Variants in XKR9 observed in about 807,000 individuals in gnomAD.
XKR9 encodes XK-related protein 9.
XKR9 carries 32 observed loss-of-function variants against 32.0 expected under a neutral mutation model. That is an observed-to-expected ratio of 1.00 (90% CI 0.76 to 1.34). The LOEUF is 1.34. Among genes scored for constraint, XKR9 ranks in the 40% most tolerant of loss-of-function variants. The pLI, the probability that XKR9 is intolerant of heterozygous loss-of-function variation, is 0.00. For synonymous variants in XKR9, 168 were observed against 143.4 expected, an observed-to-expected ratio of 1.17 and a Z score of -1.22; for missense variants, 546 against 429.7, an observed-to-expected ratio of 1.27 and a Z score of -2.39.
At position 70,735,547 on chromosome 8, in the gene XKR9, T is replaced by A. The variant is rs1806837565; in HGVS notation, c.*1123T>A. 1 of 151,514 alleles carries A rather than the reference T, an allele frequency of 6.6e-6. No individual in the cohort carries two copies. Among genetic ancestry groups the A allele is most frequent in the Admixed American group, 6.6e-5 (1 of 15,218 alleles). 9.4% of individuals were successfully genotyped at this position (151,514 alleles called of 1,614,324 possible). A position where few individuals can be genotyped will look rare whatever the true frequency, so the allele number is the denominator to read the frequency against. On this transcript the variant is annotated 3_prime_UTR_variant, in exon 5 of 5. Transcript: ENST00000408926. ...TTACATATGTATACATGTGCCATGC[T>A]GGTGTGCTGCACCCATTAACTCGTC...
At chr8:70,929,056 G>A in the XKR9 span, among the ~76,000 whole-genome samples, 1 of 152,140 alleles carries the variant, frequency 6.6e-6, no homozygotes, top group South Asian at 2.1e-4. Flanking sequence ...TAGTAAAAAT[G>A]CAAATTTCCC....
At chr8:70,857,810 C>T in the XKR9 span, among the ~76,000 whole-genome samples, 7 of 152,254 alleles carry the variant, frequency 4.6e-5, no homozygotes, top group Admixed American at 1.3e-4. Flanking sequence ...GCTGGTTCAA[C>T]ATATGCAAAT....
chr8:70,703,921 G>A (rs532142732), intron 3 of XKR9, among the ~76,000 whole-genome samples: 34 of 152,186 alleles, frequency 2.2e-4, no homozygotes, highest in African/African-American at 6.7e-4. Context: ...GGTACCTCAC[G>A]CCTGTAATCC....
the XKR9 span, among the ~76,000 whole-genome samples, chr8:70,933,596 T>G: frequency 6.6e-6 from 1 of 152,198 alleles, no homozygotes; most frequent in Admixed American, 6.6e-5. Context: ...TTCCTTTACA[T>G]TCCTCTGCTT....
At chr8:70,832,987 C>T in the XKR9 span, among the ~76,000 whole-genome samples, 4 of 152,070 alleles carry the variant, frequency 2.6e-5, no homozygotes, top group African/African-American at 9.7e-5. Flanking sequence ...AATAAATGAG[C>T]GAGTTAATAA....
the XKR9 span, among the ~76,000 whole-genome samples, chr8:71,033,100 A>T: frequency 6.6e-6 from 1 of 151,362 alleles, no homozygotes; most frequent in African/African-American, 2.4e-5. Flanking sequence ...AAAAAAAATC[A>T]ATAAACACAG....
the XKR9 span, among the ~76,000 whole-genome samples, chr8:70,904,213 G>T: frequency 6.6e-5 from 10 of 152,198 alleles, no homozygotes; most frequent in Non-Finnish European, 1.2e-4. Context: ...AATGACAGTG[G>T]GGTGTTAAAG....
At chr8:70,898,282 CTCTT>C in the XKR9 span, among the ~76,000 whole-genome samples, 84 of 152,118 alleles carry the variant, frequency 5.5e-4, no homozygotes, top group Non-Finnish European at 9.9e-4. Context: ...ATCGATGTGT[CTCTT>C]TCTATGCCAG....
intron 2 of XKR9, among the ~76,000 whole-genome samples, chr8:70,746,889 G>C (rs1178277590): frequency 2.0e-5 from 3 of 152,018 alleles, no homozygotes; most frequent in Non-Finnish European, 2.9e-5. Flanking sequence ...AGTACACGAT[G>C]GGTAAATTTT....
chr8:70,890,362 G>A, the XKR9 span, among the ~76,000 whole-genome samples: 2 of 151,914 alleles, frequency 1.3e-5, no homozygotes, highest in Non-Finnish European at 2.9e-5. Context: ...GAAATAGTGA[G>A]ACTAGACATC....
chr8:70,889,165 C>T, the XKR9 span, among the ~76,000 whole-genome samples: 2 of 150,732 alleles, frequency 1.3e-5, no homozygotes, highest in African/African-American at 2.4e-5. Flanking sequence ...GATCTTTCAC[C>T]TCCTTAATTA....
the XKR9 span, among the ~76,000 whole-genome samples, chr8:70,853,843 C>T: frequency 6.6e-4 from 100 of 152,258 alleles, no homozygotes; most frequent in African/African-American, 2.3e-3. Flanking sequence ...CATGTCCCTA[C>T]AAAGGACATG....
At chr8:70,945,454 G>A in the XKR9 span, among the ~76,000 whole-genome samples, 1 of 152,084 alleles carries the variant, frequency 6.6e-6, no homozygotes, top group Non-Finnish European at 1.5e-5. Flanking sequence ...CCCCCAAATG[G>A]CACATGTCTG....
intron 2 of XKR9, among the ~76,000 whole-genome samples, chr8:70,744,012 C>T (rs1012261668): frequency 6.6e-6 from 1 of 152,012 alleles, no homozygotes; most frequent in Non-Finnish European, 1.5e-5. Context: ...TCTTATTAAT[C>T]TATAACATTT....
downstream of XKR9, among the ~76,000 whole-genome samples, chr8:70,738,854 G>A (rs1272950382): frequency 2.0e-5 from 3 of 151,958 alleles, no homozygotes; most frequent in Admixed American, 2.0e-4. Context: ...ATAATTTCTG[G>A]TGTTTTACAT....
the XKR9 span, among the ~76,000 whole-genome samples, chr8:70,872,240 T>C: frequency 4.6e-5 from 7 of 152,122 alleles, no homozygotes; most frequent in African/African-American, 1.2e-4. Flanking sequence ...AAACTTTGAG[T>C]GATCTGGATA....
At chr8:70,719,960 C>T (rs1054090198) in intron 4 of XKR9, among the ~76,000 whole-genome samples, 1 of 152,086 alleles carries the variant, frequency 6.6e-6, no homozygotes, top group African/African-American at 2.4e-5. Flanking sequence ...TTGTTTGTGT[C>T]CTCTTTTATT....
the XKR9 span, among the ~76,000 whole-genome samples, chr8:70,796,549 C>T: frequency 3.3e-5 from 5 of 151,508 alleles, no homozygotes; most frequent in Non-Finnish European, 7.4e-5. Flanking sequence ...TTTTCTTTTT[C>T]GTTTGTTTTA....
chr8:70,978,362 G>C, the XKR9 span, among the ~76,000 whole-genome samples: 1 of 152,176 alleles, frequency 6.6e-6, no homozygotes, highest in Non-Finnish European at 1.5e-5. Flanking sequence ...TGTTTTTGGA[G>C]TGGCTGGTAC....
Sources: allele counts gnomAD v4.1 joint callset (sites outside exome capture counted in the v4.1 genomes callset), GRCh38; gene constraint gnomAD v4.1.1; transcripts MANE v1.5; gene names NCBI Gene and HGNC (gene_info 2026-07-23, HGNC 2026-07-21).